The following SLC16A12 variants were observed in gnomAD, a reference collection of about 807,000 sequenced individuals.
SLC16A12 encodes the protein monocarboxylate transporter 12.
A neutral mutation model predicts 42.4 loss-of-function variants in SLC16A12; 17 were observed. The observed-to-expected ratio is 0.40, with a 90% CI of 0.27 to 0.60. The LOEUF (loss-of-function observed/expected upper bound fraction) is 0.60. Ranked by LOEUF, SLC16A12 falls within the 20% of genes least tolerant of loss-of-function variation. SLC16A12 has a pLI of 0.42. For missense variants in SLC16A12, 544 were observed against 623.0 expected (o/e 0.87, Z 1.35); for synonymous variants, 224 against 229.4 (o/e 0.98, Z 0.21).
At chr10:89,445,986 C>A (rs1324562207) in intron 3 of SLC16A12, among the ~76,000 whole-genome samples, 1 of 151,894 alleles carries the variant, frequency 6.6e-6, no homozygotes, top group Non-Finnish European at 1.5e-5. Flanking sequence ...CCGATTTGAT[C>A]AAGTGGAAGA....
At chr10:89,434,271 A>C (rs1281449912) in intron 7 of SLC16A12, among the ~76,000 whole-genome samples, 2 of 152,240 alleles carry the variant, frequency 1.3e-5, no homozygotes, top group Non-Finnish European at 2.9e-5. Flanking sequence ...AAAGGTAAAT[A>C]AATAAGAAAA....
At chr10:89,532,370 C>A (rs1843569042) in intron 2 of SLC16A12, among the ~76,000 whole-genome samples, 1 of 152,108 alleles carries the variant, frequency 6.6e-6, no homozygotes, top group Admixed American at 6.6e-5. Context: ...ACAGACACCA[C>A]CTTCAAACAG....
chr10:89,526,616 A>C (rs972143433), intron 2 of SLC16A12, among the ~76,000 whole-genome samples: 3 of 152,244 alleles, frequency 2.0e-5, no homozygotes, highest in Non-Finnish European at 4.4e-5. Flanking sequence ...TCACTTACAA[A>C]CTTGTTTTGG....
At chr10:89,498,843 G>C (rs1034104363) in intron 2 of SLC16A12, among the ~76,000 whole-genome samples, 1 of 152,144 alleles carries the variant, frequency 6.6e-6, no homozygotes, top group Non-Finnish European at 1.5e-5. Flanking sequence ...CCCGGAGCCT[G>C]GCAGACTTGC....
At chr10:89,527,314 C>T (rs1843470298) in intron 2 of SLC16A12, among the ~76,000 whole-genome samples, 1 of 151,792 alleles carries the variant, frequency 6.6e-6, no homozygotes, top group African/African-American at 2.4e-5. Context: ...GAAACCCCGT[C>T]TCTACTAAAA....
chr10:89,507,541 A>C (rs1446013300), intron 2 of SLC16A12, among the ~76,000 whole-genome samples: 2 of 152,192 alleles, frequency 1.3e-5, no homozygotes. Context: ...TTTTGTCATC[A>C]CCAGGCCTGC....
intron 2 of SLC16A12, among the ~76,000 whole-genome samples, chr10:89,516,397 A>C (rs975518298): frequency 1.3e-5 from 2 of 152,236 alleles, no homozygotes; most frequent in Non-Finnish European, 2.9e-5. Flanking sequence ...GCTGTGACAG[A>C]CCATTAACTT....
chr10:89,515,439 G>T (rs1266206985), intron 2 of SLC16A12, among the ~76,000 whole-genome samples: 1 of 152,188 alleles, frequency 6.6e-6, no homozygotes, highest in African/African-American at 2.4e-5. Context: ...TGAAGTCAGT[G>T]TCGGAGGGCT....
intron 2 of SLC16A12, among the ~76,000 whole-genome samples, chr10:89,514,712 G>A (rs1224153675): frequency 2.6e-5 from 4 of 152,154 alleles, no homozygotes; most frequent in Non-Finnish European, 4.4e-5. Flanking sequence ...TTTCCTCAAT[G>A]TTTACAGGGC....
intron 2 of SLC16A12, among the ~76,000 whole-genome samples, chr10:89,477,463 C>T (rs997186223): frequency 4.0e-4 from 60 of 149,294 alleles, no homozygotes; most frequent in African/African-American, 1.4e-3. Flanking sequence ...ACTCGGGAGG[C>T]TGAGGCAGGA....
At chr10:89,496,851 C>A (rs1258991911) in intron 2 of SLC16A12, among the ~76,000 whole-genome samples, 1 of 152,056 alleles carries the variant, frequency 6.6e-6, no homozygotes, top group Non-Finnish European at 1.5e-5. Context: ...AAGAATATAT[C>A]TGCAACATGT....
chr10:89,520,637 A>G (rs1380482715), intron 2 of SLC16A12, among the ~76,000 whole-genome samples: 1 of 151,644 alleles, frequency 6.6e-6, no homozygotes, highest in South Asian at 2.1e-4. Flanking sequence ...TTAGCCCTGA[A>G]CTAGTTAGCA....
At chr10:89,496,736 G>T (rs1460635186) in intron 2 of SLC16A12, among the ~76,000 whole-genome samples, 1 of 152,024 alleles carries the variant, frequency 6.6e-6, no homozygotes, top group Non-Finnish European at 1.5e-5. Context: ...AGGGTTCAAA[G>T]AACTCCAATT....
chr10:89,433,383 A>G, intron 7 of SLC16A12, 57 bp from the exon 8 acceptor site: 2 of 1,560,724 alleles, frequency 1.3e-6, no homozygotes. Flanking sequence ...TTGCTTACCC[A>G]CTCTCAAATT....
intron 3 of SLC16A12, among the ~76,000 whole-genome samples, chr10:89,446,861 C>A (rs574477949): frequency 6.6e-6 from 1 of 152,102 alleles, no homozygotes; most frequent in South Asian, 2.1e-4. Context: ...TTCAGGAAAC[C>A]CATCTCATGT....
chr10:89,536,483 GGT>G (rs1262299768), upstream of SLC16A12, among the ~76,000 whole-genome samples: 1 of 152,044 alleles, frequency 6.6e-6, no homozygotes, highest in Non-Finnish European at 1.5e-5. Context: ...AAATGAGTGA[GGT>G]GTAGGCGCCC....
rs1198063134 is a variant in SLC16A12, at chr10:89,430,705, T to G, written c.*2359A>C. 4.3e-6 allele frequency: 2 copies of G among 465,048 alleles called. No homozygotes were observed. Among genetic ancestry groups the G allele is most frequent in the Non-Finnish European group, 8.9e-6 (2 of 225,674 alleles). 28.8% of individuals were successfully genotyped at this position (465,048 alleles called of 1,614,324 possible). On this transcript the variant is annotated 3_prime_UTR_variant, in exon 8 of 8. Transcript: ENST00000371790. ...CTCAAAAGGGAAAGTAAAATGCAAA[T>G]CTATGCATGTATAAAGTCAAATCTC...
intron 2 of SLC16A12, among the ~76,000 whole-genome samples, chr10:89,467,764 G>A (rs558980636): frequency 1.1e-4 from 16 of 152,274 alleles, no homozygotes; most frequent in Admixed American, 1.3e-4. Context: ...CATTTTACAT[G>A]TAATTTTCTT....
intron 2 of SLC16A12, among the ~76,000 whole-genome samples, chr10:89,466,300 A>G (rs1047144197): frequency 3.9e-5 from 6 of 152,186 alleles, no homozygotes; most frequent in African/African-American, 1.2e-4. Flanking sequence ...TGAGTGTCCA[A>G]TATGCACTAG....
Sources: gnomAD v4.1 joint callset for allele counts (sites outside exome capture counted in the v4.1 genomes callset) on GRCh38, gnomAD v4.1.1 for gene constraint, MANE v1.5 for transcripts, NCBI Gene and HGNC (gene_info 2026-07-23, HGNC 2026-07-21) for gene names.